KIF16B: variants seen among roughly 807,000 people sequenced by gnomAD.
KIF16B encodes the protein kinesin-like protein KIF16B.
Under a neutral mutation model 156.3 loss-of-function variants are expected in KIF16B, and 98 were observed. The ratio of observed to expected loss-of-function variants is 0.63; its 90% CI spans 0.53 to 0.74. The LOEUF (loss-of-function observed/expected upper bound fraction) is 0.74, where lower values mean the gene tolerates loss of function less well. KIF16B is among the 30% of genes least tolerant of loss of function. KIF16B has a pLI of 0.00. For synonymous variants in KIF16B, 564 were observed against 583.7 expected, an observed-to-expected ratio of 0.97 and a Z score of 0.49; for missense variants, 1,421 against 1,606.5, an observed-to-expected ratio of 0.88 and a Z score of 1.97.
chr20:16,412,634 C>T (rs2065987438), intron 15 of KIF16B, among the ~76,000 whole-genome samples: 1 of 151,954 alleles, frequency 6.6e-6, no homozygotes. Context: ...CCTTATAATA[C>T]CATCAGATCT....
intron 2 of KIF16B, among the ~76,000 whole-genome samples, chr20:16,527,350 C>T (rs1392980334): frequency 2.0e-5 from 3 of 152,186 alleles, no homozygotes; most frequent in African/African-American, 7.2e-5. Flanking sequence ...TTCCCAGCTT[C>T]TACCATTGGA....
intron 24 of KIF16B, among the ~76,000 whole-genome samples, chr20:16,326,464 A>T (rs1250663559): frequency 6.6e-6 from 1 of 151,628 alleles, no homozygotes; most frequent in East Asian, 1.9e-4. Flanking sequence ...AAAAAAAAAG[A>T]AAAAGAAAAA....
intron 19 of KIF16B, 50 bp from the exon 20 acceptor site, chr20:16,374,459 C>T (rs2064897293): frequency 1.4e-6 from 2 of 1,454,688 alleles, no homozygotes; most frequent in East Asian, 4.8e-5. Flanking sequence ...ATTTCCCGAG[C>T]ATCCTTACTG....
At chr20:16,373,545 T>C (rs1308791611) in intron 20 of KIF16B, among the ~76,000 whole-genome samples, 1 of 152,226 alleles carries the variant, frequency 6.6e-6, no homozygotes, top group Non-Finnish European at 1.5e-5. Flanking sequence ...CAGATACAGA[T>C]TTATTATACT....
At chr20:16,467,805 G>C (rs1013640211) in intron 12 of KIF16B, among the ~76,000 whole-genome samples, 2 of 151,692 alleles carry the variant, frequency 1.3e-5, no homozygotes, top group African/African-American at 2.4e-5. Context: ...CACTGGAAAA[G>C]GAATAAGTGA....
At chr20:16,349,030 G>A (rs1258719092) in intron 23 of KIF16B, among the ~76,000 whole-genome samples, 1 of 152,178 alleles carries the variant, frequency 6.6e-6, no homozygotes, top group African/African-American at 2.4e-5. Flanking sequence ...GAGAAGTACA[G>A]GTGAAACCCA....
chr20:16,349,827 T>C lies in KIF16B; in HGVS notation c.3621+6503A>G, dbSNP rs911007250. On this transcript the variant is annotated intron_variant, in intron 23 of 25. Coordinates refer to ENST00000354981, the MANE Select transcript of KIF16B (RefSeq NM_024704.5). ...AGGGTCTTTTAAGTTCAGGGAGGAC[T>C]CAGCAGATGAGATCTCTTGGCCCTA... 2.0e-5 allele frequency among the ~76,000 whole-genome samples: 3 copies of C among 152,190 alleles called. No individual in the cohort carries two copies. In the East Asian group the frequency reaches 5.8e-4, roughly 29 times the overall value.
At chr20:16,321,112 T>G (rs2063766109) in intron 24 of KIF16B, among the ~76,000 whole-genome samples, 1 of 152,166 alleles carries the variant, frequency 6.6e-6, no homozygotes. Context: ...TTCTTTTTTG[T>G]CAATCTACAT....
chr20:16,499,417 T>G (rs566305980), intron 10 of KIF16B, among the ~76,000 whole-genome samples: 58 of 152,338 alleles, frequency 3.8e-4, no homozygotes, highest in African/African-American at 1.4e-3. Flanking sequence ...TTATCTGGTT[T>G]GCATAGAATG....
intron 17 of KIF16B, among the ~76,000 whole-genome samples, chr20:16,403,906 T>G (rs1439103073): frequency 6.6e-6 from 1 of 152,044 alleles, no homozygotes; most frequent in Non-Finnish European, 1.5e-5. Context: ...CTGCAGGAGG[T>G]GACAGAGTCA....
In KIF16B at chr20:16,508,003, G is replaced by A. The variant is rs753050577; in HGVS notation, c.654C>T (p.Asp218=). ...AGATGGCATGAGACCTGCTACTGAC[G>A]TCGTTCATCCCAGTCGCTGCGGTGG... is the stretch of plus-strand genomic sequence containing the variant. ...NRTTAATGMN[D]VSSRSHAIFT... is the part of the protein sequence containing the mutation. The change falls in exon 7 of 26, where the codon GAC becomes GAT. Residue 218 remains aspartate, a synonymous_variant. Coordinates refer to ENST00000354981, the MANE Select transcript of KIF16B (RefSeq NM_024704.5). 17 of 1,613,986 alleles carry A rather than the reference G, an allele frequency of 1.1e-5. No homozygotes were observed. The East Asian group carries it at 1.1e-4, about 11-fold the overall frequency.
chr20:16,326,372 G>A (rs1483672254), intron 24 of KIF16B, among the ~76,000 whole-genome samples: 1 of 151,492 alleles, frequency 6.6e-6, no homozygotes, highest in African/African-American at 2.4e-5. Context: ...ACAGCCCATA[G>A]AGTGGGAGAA....
intron 3 of KIF16B, among the ~76,000 whole-genome samples, chr20:16,520,815 A>T (rs1451481714): frequency 6.6e-6 from 1 of 152,152 alleles, no homozygotes; most frequent in Non-Finnish European, 1.5e-5. Flanking sequence ...CCTCTGTGAC[A>T]AAGCTTCCAG....
chr20:16,419,118 C>T (rs2146362790), intron 15 of KIF16B, among the ~76,000 whole-genome samples: 1 of 152,194 alleles, frequency 6.6e-6, no homozygotes, highest in South Asian at 2.1e-4. Context: ...TCAGGTAATG[C>T]TGATGTTGAT....
chr20:16,494,342 T>C lies in KIF16B; in HGVS notation c.1251A>G (p.Glu417=). Residue 417 remains glutamate, a synonymous_variant, in exon 12 of 26, where the codon GAA becomes GAG. Coordinates refer to ENST00000354981, the MANE Select transcript of KIF16B (RefSeq NM_024704.5). ...ACTTATTTGTCCATTCCTTGGTCAA[T>C]TCTTGAACCTGAAAAGAAAAATATA... ...KLQQNEARVQ[E]LTKEWTNKWN... The C allele has an allele frequency of 6.3e-7, 1 of 1,595,782 alleles. No homozygotes were observed.
At chr20:16,524,411 A>G (rs1164762165) in intron 3 of KIF16B, among the ~76,000 whole-genome samples, 1 of 152,232 alleles carries the variant, frequency 6.6e-6, no homozygotes, top group East Asian at 1.9e-4. Context: ...GCAGCCAACA[A>G]ACATACGAAA....
At chr20:16,473,426 A>G (rs1305576649) in intron 12 of KIF16B, among the ~76,000 whole-genome samples, 1 of 152,228 alleles carries the variant, frequency 6.6e-6, no homozygotes, top group Non-Finnish European at 1.5e-5. Context: ...TGTGACAGGC[A>G]CTGAACTAAG....
At chr20:16,435,273 G>A (rs1298934498) in intron 12 of KIF16B, among the ~76,000 whole-genome samples, 2 of 152,170 alleles carry the variant, frequency 1.3e-5, no homozygotes, top group Admixed American at 1.3e-4. Flanking sequence ...CATCATAGCT[G>A]TGTCGATTTT....
chr20:16,311,114 T>G (rs577822330), intron 25 of KIF16B, among the ~76,000 whole-genome samples: 3 of 152,218 alleles, frequency 2.0e-5, no homozygotes, highest in Non-Finnish European at 4.4e-5. Context: ...ATACAGCACT[T>G]CACAATCCAG....
Sources: gnomAD v4.1 joint callset for allele counts (sites outside exome capture counted in the v4.1 genomes callset) on GRCh38, gnomAD v4.1.1 for gene constraint, MANE v1.5 for transcripts, NCBI Gene and HGNC (gene_info 2026-07-23, HGNC 2026-07-21) for gene names.